The following IFT80 variants were observed in gnomAD, a reference collection of about 807,000 sequenced individuals.
IFT80 encodes the protein intraflagellar transport 80.
In IFT80, 79 loss-of-function variants were observed where a neutral mutation model predicts 107.9. The observed-to-expected ratio is 0.73, with a 90% confidence interval of 0.61 to 0.88. IFT80 has a LOEUF of 0.88. Among genes scored for constraint, IFT80 ranks in the 40% least tolerant of loss-of-function variants. The pLI, the probability that IFT80 is intolerant of heterozygous loss-of-function variation, is 0.00. For synonymous variants in IFT80, 299 were observed against 300.9 expected (o/e 0.99, Z 0.07); for missense variants, 797 against 914.2 (o/e 0.87, Z 1.65).
Position 160,334,428 on chromosome 3 carries a change from C to CTT in IFT80, c.778-14491_778-14490dup, listed in dbSNP as rs34377587. 1.1e-3 allele frequency among the ~76,000 whole-genome samples: 162 copies of CTT among 141,904 alleles called. 1 individual carries two copies. The highest frequency in any genetic ancestry group is 3.2e-3 in the African/African-American group (126 of 38,814). 93.1% of individuals were successfully genotyped at this position (141,904 alleles called of 152,430 possible). The stretch of plus-strand genomic sequence containing the variant: ...TAAATATGATGCTCAAATTGGCTCG[C>CTT]TTTTTTTTTTTTTTGAGACACAGCC... On this transcript the variant is annotated intron_variant, in intron 8 of 19. Coordinates refer to ENST00000326448, the MANE Select transcript of IFT80 (RefSeq NM_020800.3).
chr3:160,354,890 G>A (rs1030523126), intron 8 of IFT80, among the ~76,000 whole-genome samples: 3 of 152,074 alleles, frequency 2.0e-5, no homozygotes, highest in African/African-American at 4.8e-5. Context: ...CTAGGCAGAG[G>A]ACTTCATATT....
intron 8 of IFT80, among the ~76,000 whole-genome samples, chr3:160,323,594 C>A: frequency 6.6e-6 from 1 of 151,794 alleles, no homozygotes. Context: ...AACAAAGACA[C>A]AACATACCAG....
At chr3:160,355,944 G>T in intron 8 of IFT80, 69 bp downstream of exon 8, 1 of 1,546,508 alleles carries the variant, frequency 6.5e-7, no homozygotes, top group South Asian at 1.1e-5. Context: ...TAAAGACTGA[G>T]AACCATGTGT....
At chr3:160,348,350 T>C (rs549781030) in intron 8 of IFT80, among the ~76,000 whole-genome samples, 1 of 152,318 alleles carries the variant, frequency 6.6e-6, no homozygotes, top group South Asian at 2.1e-4. Context: ...CAAACTCATG[T>C]TCAATTATTT....
chr3:160,319,698 T>A (rs1416220924), intron 9 of IFT80, 62 bp downstream of exon 9: 4 of 1,300,456 alleles, frequency 3.1e-6, no homozygotes, highest in Non-Finnish European at 4.5e-6. Context: ...TAATTCCATA[T>A]TCTGTACAGT....
chr3:160,367,556 T>C (rs1268195452), intron 5 of IFT80, among the ~76,000 whole-genome samples: 1 of 152,038 alleles, frequency 6.6e-6, no homozygotes, highest in East Asian at 1.9e-4. Context: ...TAGGGAAAAT[T>C]TTGTTATCTA....
At chr3:160,314,117 C>T (rs576735583) in intron 9 of IFT80, among the ~76,000 whole-genome samples, 8 of 152,252 alleles carry the variant, frequency 5.3e-5, no homozygotes, top group African/African-American at 1.9e-4. Flanking sequence ...CAATAGCTAT[C>T]ATTTTTGTTT....
At chr3:160,266,842 T>A (rs1212958482) in intron 19 of IFT80, among the ~76,000 whole-genome samples, 1 of 152,134 alleles carries the variant, frequency 6.6e-6, no homozygotes, top group East Asian at 1.9e-4. Flanking sequence ...TTCAAAACTG[T>A]GACACAAAGA....
At chr3:160,338,033 C>T (rs1350237674) in intron 8 of IFT80, among the ~76,000 whole-genome samples, 1 of 152,148 alleles carries the variant, frequency 6.6e-6, no homozygotes, top group East Asian at 1.9e-4. Flanking sequence ...CCTAAATTCT[C>T]TATCACTTTC....
rs752552633 is a variant in IFT80, at chr3:160,384,605, C to T, written c.-5G>A. 31 of 1,572,822 alleles carry T rather than the reference C, an allele frequency of 2.0e-5. No homozygotes were observed. The highest frequency in any genetic ancestry group is 2.5e-5 in the Non-Finnish European group (29 of 1,143,186). ...AAGAGATATCTTTAGTCTCATGACT[C>T]CACTTCCAGCAAAAATTTAAGATGC... On this transcript the variant is annotated 5_prime_UTR_variant, in exon 2 of 20. Transcript: ENST00000326448.
At chr3:160,355,390 AG>A (rs1289743295) in intron 8 of IFT80, among the ~76,000 whole-genome samples, 1 of 152,128 alleles carries the variant, frequency 6.6e-6, no homozygotes, top group Non-Finnish European at 1.5e-5. Context: ...CTGGGACCAC[AG>A]GTATGCACCA....
At chr3:160,398,835 T>C (rs959848042) in intron 1 of IFT80, among the ~76,000 whole-genome samples, 4 of 152,240 alleles carry the variant, frequency 2.6e-5, no homozygotes, top group Non-Finnish European at 2.9e-5. Context: ...AAGAGCCTTT[T>C]AGTCAAATTA....
intron 8 of IFT80, among the ~76,000 whole-genome samples, chr3:160,351,223 CT>C (rs1024427775): frequency 1.3e-5 from 2 of 151,370 alleles, no homozygotes; most frequent in Non-Finnish European, 2.9e-5. Flanking sequence ...TTTGTAACTA[CT>C]TTTTTCTTGT....
chr3:160,312,748 TA>T (rs1717420036), intron 9 of IFT80, among the ~76,000 whole-genome samples: 1 of 44,104 alleles, frequency 2.3e-5, no homozygotes, highest in South Asian at 5.4e-4. Flanking sequence ...TATAAATATA[TA>T]ATATATATAT....
At chr3:160,258,775 A>G (rs1263240201) in intron 19 of IFT80, 140 bp from the exon 20 acceptor site, 1 of 1,160,422 alleles carries the variant, frequency 8.6e-7, no homozygotes, top group Non-Finnish European at 1.2e-6. Flanking sequence ...AAGATTAGAG[A>G]AAAAGAGAGC....
chr3:160,285,723 C>G (rs1715039771), intron 13 of IFT80, 81 bp downstream of exon 13: 1 of 969,388 alleles, frequency 1.0e-6, no homozygotes. Context: ...TTTGTGTCCT[C>G]TTTAAAATGA....
At chr3:160,302,081 T>C (rs151237301) in intron 11 of IFT80, among the ~76,000 whole-genome samples, 2,136 of 152,162 alleles carry the variant, frequency 0.014, 51 homozygotes, top group African/African-American at 0.048. Flanking sequence ...TTTACACACA[T>C]ACTATGGCTA....
intron 1 of IFT80, among the ~76,000 whole-genome samples, chr3:160,397,022 T>C (rs1713828587): frequency 6.6e-6 from 1 of 152,208 alleles, no homozygotes; most frequent in African/African-American, 2.4e-5. Flanking sequence ...AGTCAGTTGA[T>C]TTATCAAAAC....
rs1043472865 is a variant in IFT80 at position 160,351,868 on chromosome 3, G to T, written c.777+4145C>A. 2.6e-5 allele frequency among the ~76,000 whole-genome samples: 4 copies of T among 152,008 alleles called. No individual in the cohort carries two copies. In the East Asian group the frequency reaches 7.7e-4, roughly 29 times the overall value. ...GCAAAAAAACTATTGATAATTCAAT[G>T]AATGAAAGTTAAGTGTTTGAATAGT... is the stretch of plus-strand genomic sequence containing the variant. On this transcript the variant is annotated intron_variant, in intron 8 of 19. Coordinates refer to ENST00000326448, the MANE Select transcript of IFT80 (RefSeq NM_020800.3).
Sources: gnomAD v4.1 joint callset for allele counts (sites outside exome capture counted in the v4.1 genomes callset) on GRCh38, gnomAD v4.1.1 for gene constraint, MANE v1.5 for transcripts, NCBI Gene and HGNC (gene_info 2026-07-23, HGNC 2026-07-21) for gene names.